STING1: variants seen among roughly 807,000 people sequenced by gnomAD.
The protein encoded by STING1 is stimulator of interferon response cGAMP interactor 1.
STING1 carries 19 observed loss-of-function variants against 31.6 expected under a neutral mutation model. The observed-to-expected ratio is 0.60, with a 90% CI of 0.42 to 0.88. The LOEUF is 0.88. STING1 is among the 40% of genes least tolerant of loss of function. STING1 has a pLI of 0.00. For missense variants in STING1, 371 were observed against 483.7 expected (o/e 0.77, Z 2.19); for synonymous variants, 200 against 208.6 (o/e 0.96, Z 0.35).
At chr5:139,480,451 C>CA (rs1251954747) in intron 5 of STING1, among the ~76,000 whole-genome samples, 1 of 152,046 alleles carries the variant, frequency 6.6e-6, no homozygotes, top group Non-Finnish European at 1.5e-5. Context: ...GAACCTGAGC[C>CA]AGGATAATCA....
At position 139,481,322 on chromosome 5, in the gene STING1, C is replaced by T. The variant is rs749059030; in HGVS notation, c.248G>A (p.Arg83Lys). ...IHSRYRGSYW[R>K]TVRACLGCPL... ...GCAGCCCAGGCAGGCCCGCACAGTC[C>T]TCCAGTAGCTGCCCCGGTACCTGTG... The change falls in exon 4 of 8, where the codon AGG (arginine) becomes AAG (lysine). Residue 83 changes from arginine (R) to lysine (K), a missense_variant. Transcript: ENST00000330794. The surrounding 1 kb of genome is among the most constrained non-coding windows in gnomAD (Gnocchi z 4.1). 15 of 1,599,054 alleles carry T rather than the reference C, an allele frequency of 9.4e-6. No individual in the cohort carries two copies. The highest frequency in any genetic ancestry group is 1.2e-5 in the Non-Finnish European group (14 of 1,172,114).
In STING1 at chr5:139,480,774, A is replaced by T; in HGVS notation, c.520+16T>A. On this transcript the variant is annotated intron_variant, in intron 5 of 7. Transcript: ENST00000330794. ...GTTTTGTAGATCGAGAAATGGGGGC[A>T]GAGAGGATGGCCCACCTGGCAGGAT... 1 of 1,544,062 alleles carries T rather than the reference A, an allele frequency of 6.5e-7. No homozygotes were observed. Among genetic ancestry groups the T allele is most frequent in the African/African-American group, 1.4e-5 (1 of 73,706 alleles).
Position 139,478,425 on chromosome 5 carries a change from G to T in STING1, c.604C>A (p.Leu202Ile). 1 of 1,614,192 alleles carries T rather than the reference G, an allele frequency of 6.2e-7. No homozygotes were observed. Among genetic ancestry groups the T allele is most frequent in the East Asian group, 2.2e-5 (1 of 44,884 alleles). ...TCAGGCACCCCACAGTCCAATGGGAGGAGAATATACAGCCGCTGGCTCACT... is the reference window on the plus strand; with the variant it reads ...TCAGGCACCCCACAGTCCAATGGGATGAGAATATACAGCCGCTGGCTCACT... Reference protein sequence around the residue: ...GAVSQRLYILLPLDCGVPDNL... With the variant: ...GAVSQRLYILIPLDCGVPDNL... Residue 202 changes from leucine to isoleucine, a missense_variant, in exon 6 of 8, where the codon CTC becomes ATC. By Grantham distance (5) the Leu-to-Ile change is conservative (BLOSUM62 2). Transcript: ENST00000330794.
intron 6 of STING1, 102 bp downstream of exon 6, chr5:139,478,168 A>C: frequency 3.4e-6 from 3 of 875,066 alleles, no homozygotes; most frequent in Non-Finnish European, 5.4e-6. Context: ...GGGACACTAC[A>C]GCTCAGAGAA....
At chr5:139,477,230 T>C in intron 7 of STING1, 99 bp downstream of exon 7, 3 of 1,250,876 alleles carry the variant, frequency 2.4e-6, no homozygotes, top group Non-Finnish European at 3.4e-6. Context: ...GCCCAGGGCA[T>C]GGTGCTCCAT....
Position 139,479,467 on chromosome 5 carries a change from C to T in STING1, c.521-959G>A, listed in dbSNP as rs1477638636. 2.6e-5 allele frequency among the ~76,000 whole-genome samples: 4 copies of T among 151,482 alleles called. No homozygotes were observed. The South Asian group carries it at 6.3e-4, about 24-fold the overall frequency. ...CTATAGTTCTAGCACTTTGGGAGGC[C>T]GAGGTGGGTGGATCACCTGAGGTCA... On this transcript the variant is annotated intron_variant, in intron 5 of 7. Coordinates refer to ENST00000330794, the MANE Select transcript of STING1 (RefSeq NM_198282.4).
rs1249735398 is a variant in STING1, at chr5:139,481,142, C to A, written c.411+17G>T. The A allele has an allele frequency of 6.2e-7, 1 of 1,613,262 alleles. No individual in the cohort carries two copies. Among genetic ancestry groups the A allele is most frequent in the East Asian group, 2.2e-5 (1 of 44,902 alleles). On this transcript the variant is annotated intron_variant, in intron 4 of 7. Coordinates refer to ENST00000330794, the MANE Select transcript of STING1 (RefSeq NM_198282.4). This position sits in a 1 kb window ranked among gnomAD's most constrained non-coding sequence, Gnocchi z 4.1. Reference sequence around the variant, plus strand: ...GCCACCACTTGGCCAGAGCTTCTACCTCCCCCTGTGTCATACCTTGAGGCC... The same window carrying A: ...GCCACCACTTGGCCAGAGCTTCTACATCCCCCTGTGTCATACCTTGAGGCC...
chr5:139,476,511 C>T, intron 7 of STING1, 57 bp from the exon 8 acceptor site: 2 of 1,528,966 alleles, frequency 1.3e-6, no homozygotes, highest in South Asian at 1.2e-5. Flanking sequence ...CCCACTCAAA[C>T]ATACCTAGAG....
chr5:139,478,615 T>G, intron 5 of STING1, 107 bp from the exon 6 acceptor site: 1 of 978,728 alleles, frequency 1.0e-6, no homozygotes, highest in Non-Finnish European at 1.6e-6. Flanking sequence ...TGCCAGAGAA[T>G]GGAGAGTCCA....
At chr5:139,476,777 C>T (rs922731497) in intron 7 of STING1, among the ~76,000 whole-genome samples, 15 of 151,908 alleles carry the variant, frequency 9.9e-5, no homozygotes, top group East Asian at 3.9e-4. Context: ...TGGTGGCGGG[C>T]GCCTGTAGTC....
In STING1 at chr5:139,478,335, G is replaced by T; in HGVS notation, c.694C>A (p.His232Asn). The change falls in exon 6 of 8, where the codon CAT (histidine) becomes AAT (asparagine). Residue 232 changes from histidine to asparagine, a missense_variant. Transcript: ENST00000330794. ...LDKLPQQTGD[H>N]AGIKDRVYSN... ...TAAACCCGATCCTTGATGCCAGCAT[G>T]GTCACCGGTCTGCTGGGGCAGTTTA... The T allele has an allele frequency of 6.2e-7, 1 of 1,614,018 alleles. No homozygotes were observed. The highest frequency in any genetic ancestry group is 8.5e-7 in the Non-Finnish European group (1 of 1,179,930).
chr5:139,481,226 G>A lies in STING1; in HGVS notation c.344C>T (p.Pro115Leu), dbSNP rs769494344. 109 of 1,614,082 alleles carry A rather than the reference G, an allele frequency of 6.8e-5. No homozygotes were observed. The highest frequency in any genetic ancestry group is 1.6e-4 in the Middle Eastern group (1 of 6,084). The part of the protein sequence containing the change: ...FYYSLPNAVG[P>L]PFTWMLALLG... Reference sequence around the variant, plus strand: ...GAGGGCAAGCATCCAAGTGAAGGGCGGGCCGACCGCATTTGGGAGGGAGTA... The same window carrying A: ...GAGGGCAAGCATCCAAGTGAAGGGCAGGCCGACCGCATTTGGGAGGGAGTA... The change falls in exon 4 of 8, where the codon CCG becomes CTG. Residue 115 changes from proline (P) to leucine (L), a missense_variant. Coordinates refer to ENST00000330794, the MANE Select transcript of STING1 (RefSeq NM_198282.4). The surrounding 1 kb of genome is among the most constrained non-coding windows in gnomAD (Gnocchi z 4.1).
intron 5 of STING1, 187 bp from the exon 6 acceptor site, chr5:139,478,695 C>T (rs1296532309): frequency 5.0e-6 from 3 of 605,242 alleles, no homozygotes; most frequent in African/African-American, 3.7e-5. Context: ...CCTCCTCTTA[C>T]TGCACCACCC....
chr5:139,481,710 G>A lies in STING1; in HGVS notation c.1-6C>T. On this transcript the variant is annotated splice_region_variant and splice_polypyrimidine_tract_variant and intron_variant, in intron 2 of 7. Transcript: ENST00000330794. The surrounding 1 kb of genome is among the most constrained non-coding windows in gnomAD (Gnocchi z 4.1). ...TGCAGGCTGGAGTGGGGCATCTGTG[G>A]GCACCAAGAAATCCATGACCATTCT... The A allele has an allele frequency of 6.3e-7, 1 of 1,593,368 alleles. No individual in the cohort carries two copies. Among genetic ancestry groups the A allele is most frequent in the Admixed American group, 1.7e-5 (1 of 59,400 alleles).
Position 139,478,682 on chromosome 5 carries a change from A to T in STING1, c.521-174T>A, listed in dbSNP as rs1581450831. ...GGCAGCGCCTCCAAAAGCCCTCCCC[A>T]CCCCTCCTCTTACTGCACCACCCTT... On this transcript the variant is annotated intron_variant, in intron 5 of 7. Coordinates refer to ENST00000330794, the MANE Select transcript of STING1 (RefSeq NM_198282.4). 1.1e-5 allele frequency: 7 copies of T among 627,276 alleles called. No individual in the cohort carries two copies. In the East Asian group the frequency reaches 1.9e-4, roughly 17 times the overall value. The allele number at this position is 627,276 out of a possible 1,614,324, so 38.9% of individuals were successfully genotyped here.
chr5:139,478,538 C>G, intron 5 of STING1, 30 bp from the exon 6 acceptor site: 1 of 1,593,260 alleles, frequency 6.3e-7, no homozygotes, highest in Non-Finnish European at 8.6e-7. Flanking sequence ...GAAGTTATTC[C>G]TGCTAACCCT....
In STING1 at chr5:139,481,449, C is replaced by A. The variant is rs943902151; in HGVS notation, c.227+29G>T. The stretch of plus-strand genomic sequence containing the variant: ...TCAAGGGAGTGACACACGTTGGATA[C>A]CCCGTCCCTGGGTACTGCAGTGAGT... On this transcript the variant is annotated intron_variant, in intron 3 of 7. Coordinates refer to ENST00000330794, the MANE Select transcript of STING1 (RefSeq NM_198282.4). The surrounding 1 kb of genome is among the most constrained non-coding windows in gnomAD (Gnocchi z 4.1). 2.5e-6 allele frequency: 4 copies of A among 1,606,190 alleles called. No individual in the cohort carries two copies. Among genetic ancestry groups the A allele is most frequent in the Non-Finnish European group, 3.4e-6 (4 of 1,174,342 alleles).
chr5:139,481,075 C>A lies in STING1; in HGVS notation c.411+84G>T, dbSNP rs1751824679. 7 of 1,422,486 alleles carry A rather than the reference C, an allele frequency of 4.9e-6. No homozygotes were observed. The highest frequency in any genetic ancestry group is 4.7e-5 in the South Asian group (4 of 85,994). 88.1% of individuals were successfully genotyped at this position (1,422,486 alleles called of 1,614,324 possible). Reference sequence around the variant, plus strand: ...ATGGACTCCAGCCTTTAAACCAGTCCCACTCCCAGTACTCAGCTCAGGGCA... The same window carrying A: ...ATGGACTCCAGCCTTTAAACCAGTCACACTCCCAGTACTCAGCTCAGGGCA... On this transcript the variant is annotated intron_variant, in intron 4 of 7. Coordinates refer to ENST00000330794, the MANE Select transcript of STING1 (RefSeq NM_198282.4). This position sits in a 1 kb window ranked among gnomAD's most constrained non-coding sequence, Gnocchi z 4.1.
At chr5:139,478,180 G>A (rs1751717901) in intron 6 of STING1, 90 bp downstream of exon 6, 2 of 960,306 alleles carry the variant, frequency 2.1e-6, no homozygotes, top group Non-Finnish European at 3.2e-6. Context: ...CTCAGAGAAG[G>A]GCAGTGAATT....
Sources: allele counts gnomAD v4.1 joint callset (sites outside exome capture counted in the v4.1 genomes callset), GRCh38; gene constraint gnomAD v4.1.1; non-coding constraint Gnocchi (gnomAD v3.1); transcripts MANE v1.5; gene names NCBI Gene and HGNC (gene_info 2026-07-23, HGNC 2026-07-21).